The following LUZP2 variants were observed in gnomAD, a reference collection of about 807,000 sequenced individuals.
The protein encoded by LUZP2 is leucine zipper protein 2.
In LUZP2, 52 loss-of-function variants were observed where a neutral mutation model predicts 51.6. The observed-to-expected ratio is 1.01, with a 90% CI of 0.81 to 1.27. The LOEUF is 1.27. Ranked by LOEUF, LUZP2 falls within the 50% of genes most tolerant of loss-of-function variation. The pLI, the probability that LUZP2 is intolerant of heterozygous loss-of-function variation, is 0.00. For missense variants in LUZP2, 436 were observed against 395.4 expected (o/e 1.10, Z -0.87); for synonymous variants, 154 against 137.3 (o/e 1.12, Z -0.85).
rs184389093 is a variant in LUZP2 at position 25,082,305 on chromosome 11, A to T, written c.*3647A>T. The T allele has an allele frequency of 9.2e-5, 14 of 152,768 alleles. No individual in the cohort carries two copies. The allele number at this position is 152,768 out of a possible 1,614,324, so 9.5% of individuals were successfully genotyped here. Reference sequence around the variant, plus strand: ...GTATTATTTTAGATGAACAATGTGGATAACTGAACTAAAACGATATTTGTG... The same window carrying T: ...GTATTATTTTAGATGAACAATGTGGTTAACTGAACTAAAACGATATTTGTG... On this transcript the variant is annotated 3_prime_UTR_variant, in exon 12 of 12. Coordinates refer to ENST00000336930, the MANE Select transcript of LUZP2 (RefSeq NM_001009909.4).
chr11:24,808,909 A>G (rs1564921114), intron 5 of LUZP2, among the ~76,000 whole-genome samples: 1 of 152,164 alleles, frequency 6.6e-6, no homozygotes, highest in Non-Finnish European at 1.5e-5. Flanking sequence ...AAATATAAAA[A>G]CCAATAGTTT....
At chr11:24,519,050 C>T (rs1850560956) in intron 1 of LUZP2, among the ~76,000 whole-genome samples, 1 of 152,248 alleles carries the variant, frequency 6.6e-6, no homozygotes, top group African/African-American at 2.4e-5. Context: ...GAACTGAGTA[C>T]ATGTGTGAGC....
intron 1 of LUZP2, among the ~76,000 whole-genome samples, chr11:24,533,856 A>C (rs1851088297): frequency 6.6e-6 from 1 of 151,250 alleles, no homozygotes; most frequent in African/African-American, 2.4e-5. Context: ...ATATTAAATA[A>C]TATATGTATA....
rs1193283337 is a variant in LUZP2 at position 24,497,056 on chromosome 11, C to G, written c.-188C>G. The G allele has an allele frequency of 2.3e-6, 1 of 440,080 alleles. No individual in the cohort carries two copies. The highest frequency in any genetic ancestry group is 2.0e-5 in the African/African-American group (1 of 48,874). The allele number at this position is 440,080 out of a possible 1,614,324, so 27.3% of individuals were successfully genotyped here. On this transcript the variant is annotated 5_prime_UTR_variant, in exon 1 of 12. Coordinates refer to ENST00000336930, the MANE Select transcript of LUZP2 (RefSeq NM_001009909.4). ...GGCTCGCCTCGCCGGTGACATCACT[C>G]CTGAAGATACTCCTCGCTCCCAGCG...
At chr11:24,513,200 C>T (rs1850365785) in intron 1 of LUZP2, among the ~76,000 whole-genome samples, 1 of 152,080 alleles carries the variant, frequency 6.6e-6, no homozygotes, top group South Asian at 2.1e-4. Context: ...ACAAATTTCT[C>T]CTAAAAATAA....
intron 1 of LUZP2, among the ~76,000 whole-genome samples, chr11:24,676,833 T>C (rs1043168821): frequency 2.0e-5 from 3 of 151,916 alleles, no homozygotes; most frequent in Non-Finnish European, 2.9e-5. Context: ...CTGGCTAATG[T>C]TTTTTATATT....
At chr11:24,526,754 C>A (rs1352158716) in intron 1 of LUZP2, among the ~76,000 whole-genome samples, 1 of 151,140 alleles carries the variant, frequency 6.6e-6, no homozygotes, top group Non-Finnish European at 1.5e-5. Context: ...TTTTTCTGTG[C>A]TAGACCTTTC....
At chr11:24,831,354 G>C (rs1273486200) in intron 5 of LUZP2, among the ~76,000 whole-genome samples, 1 of 152,288 alleles carries the variant, frequency 6.6e-6, no homozygotes, top group South Asian at 2.1e-4. Context: ...CATGTAATCA[G>C]TATGTAGTCA....
intron 10 of LUZP2, among the ~76,000 whole-genome samples, chr11:25,068,481 A>G (rs1361402698): frequency 6.6e-6 from 1 of 151,978 alleles, no homozygotes. Context: ...TGTCAGCCAT[A>G]TGAGAGAAGA....
chr11:24,505,983 C>T (rs1850135379), intron 1 of LUZP2, among the ~76,000 whole-genome samples: 1 of 151,972 alleles, frequency 6.6e-6, no homozygotes, highest in Non-Finnish European at 1.5e-5. Context: ...ATTCATTGTT[C>T]AAGATTACCT....
At chr11:24,879,793 G>A (rs1852398788) in intron 5 of LUZP2, among the ~76,000 whole-genome samples, 1 of 152,032 alleles carries the variant, frequency 6.6e-6, no homozygotes, top group African/African-American at 2.4e-5. Flanking sequence ...AATTTTTACT[G>A]GTGCCCTATT....
chr11:25,017,720 G>C (rs553423861), intron 9 of LUZP2, among the ~76,000 whole-genome samples: 1 of 145,760 alleles, frequency 6.9e-6, no homozygotes, highest in Non-Finnish European at 1.5e-5. Context: ...TGTTGTTGTT[G>C]TTGTTGTTAT....
chr11:24,980,933 A>G (rs779858554), intron 8 of LUZP2, among the ~76,000 whole-genome samples: 5 of 151,860 alleles, frequency 3.3e-5, no homozygotes, highest in African/African-American at 4.8e-5. Flanking sequence ...AGGAACTTGC[A>G]TTTTACTATC....
At chr11:24,659,351 C>T (rs545127270) in intron 1 of LUZP2, among the ~76,000 whole-genome samples, 6 of 152,198 alleles carry the variant, frequency 3.9e-5, no homozygotes, top group South Asian at 4.2e-4. Flanking sequence ...TATTCTCACT[C>T]ATAGGTGGGA....
At chr11:24,684,556 G>C (rs570042161) in intron 1 of LUZP2, among the ~76,000 whole-genome samples, 13 of 152,322 alleles carry the variant, frequency 8.5e-5, no homozygotes, top group African/African-American at 3.1e-4. Flanking sequence ...CGCTGATGGT[G>C]TGCTGTAAGC....
intron 7 of LUZP2, among the ~76,000 whole-genome samples, chr11:24,950,471 C>G (rs1405568004): frequency 1.3e-5 from 2 of 151,486 alleles, no homozygotes; most frequent in Non-Finnish European, 3.0e-5. Flanking sequence ...AGTGACAGCT[C>G]CAAGCCAGGT....
In LUZP2 at chr11:25,080,935, TATCA is replaced by T. The variant is rs1422455994; in HGVS notation, c.*2281_*2284del. ...CTCAGGTTGATATTAATCATGTTTT[TATCA>T]ATCTTCATTTTAAAGTTGTTTTTGT... On this transcript the variant is annotated 3_prime_UTR_variant, in exon 12 of 12. Transcript: ENST00000336930. 7 of 152,246 alleles carry T rather than the reference TATCA, an allele frequency of 4.6e-5. No homozygotes were observed. The highest frequency in any genetic ancestry group is 1.7e-4 in the African/African-American group (7 of 41,558). 9.4% of individuals were successfully genotyped at this position (152,246 alleles called of 1,614,324 possible).
chr11:24,581,398 C>A lies in LUZP2; in HGVS notation c.62+84093C>A, dbSNP rs544788675. On this transcript the variant is annotated intron_variant, in intron 1 of 11. Transcript: ENST00000336930. ...TATGCAAATATTTGAGGGCCGGGTG[C>A]GGTGGCTTACGCCTGTAATCCCAGC... is the stretch of plus-strand genomic sequence containing the variant. Among the ~76,000 whole-genome samples the A allele has an allele frequency of 2.6e-5, 4 of 152,134 alleles. No individual in the cohort carries two copies. In the East Asian group the frequency reaches 7.7e-4, roughly 29 times the overall value.
intron 1 of LUZP2, among the ~76,000 whole-genome samples, chr11:24,630,698 T>C (rs1854855561): frequency 6.7e-6 from 1 of 150,188 alleles, no homozygotes; most frequent in Non-Finnish European, 1.5e-5. Context: ...TTTTTGCTGT[T>C]CCATACTAAG....
Sources: gnomAD v4.1 joint callset for allele counts (sites outside exome capture counted in the v4.1 genomes callset) on GRCh38, gnomAD v4.1.1 for gene constraint, MANE v1.5 for transcripts, NCBI Gene and HGNC (gene_info 2026-07-23, HGNC 2026-07-21) for gene names.